SULF1: variants seen among roughly 807,000 people sequenced by gnomAD.
SULF1 encodes the protein sulfatase 1.
SULF1 carries 46 observed loss-of-function variants against 110.5 expected under a neutral mutation model. The ratio of observed to expected loss-of-function variants is 0.42; its 90% CI spans 0.33 to 0.53. The LOEUF (loss-of-function observed/expected upper bound fraction) is 0.53. SULF1 is among the 20% of genes least tolerant of loss of function. The pLI is 0.12. For missense variants in SULF1, 941 were observed against 1,094.2 expected (o/e 0.86, Z 1.98); for synonymous variants, 371 against 387.1 (o/e 0.96, Z 0.49).
At chr8:69,606,166 G>T (rs571376959) in intron 13 of SULF1, among the ~76,000 whole-genome samples, 1 of 152,234 alleles carries the variant, frequency 6.6e-6, no homozygotes, top group Admixed American at 6.5e-5. Context: ...TAAACAACTT[G>T]ATCCTTATAC....
At chr8:69,523,019 A>AATAATGGAAGAC (rs766564758) in intron 3 of SULF1, among the ~76,000 whole-genome samples, 2 of 152,214 alleles carry the variant, frequency 1.3e-5, no homozygotes, top group African/African-American at 2.4e-5. Flanking sequence ...TATGTGTTTA[A>AATAATGGAAGAC]ATAATGGAAG....
chr8:69,632,252 A>G (rs1476729945), intron 19 of SULF1, among the ~76,000 whole-genome samples: 1 of 152,090 alleles, frequency 6.6e-6, no homozygotes, highest in South Asian at 2.1e-4. Flanking sequence ...CTGATACACA[A>G]TGTATTCTTG....
chr8:69,541,129 A>G (rs1356558468), intron 3 of SULF1, among the ~76,000 whole-genome samples: 2 of 152,118 alleles, frequency 1.3e-5, no homozygotes, highest in Non-Finnish European at 2.9e-5. Flanking sequence ...AGGTGGTGGG[A>G]TTTACAGGGA....
At position 69,520,321 on chromosome 8, in the gene SULF1, C is replaced by G. The variant is rs116271729; in HGVS notation, c.-134+18353C>G. 3.1e-3 allele frequency among the ~76,000 whole-genome samples: 472 copies of G among 151,992 alleles called. 1 individual carries two copies. The highest frequency in any genetic ancestry group is 0.011 in the African/African-American group (455 of 41,482). ...GTTTTTTTTTCCAATGAAAAGAAGA[C>G]TTTTTTAGGTTAAGAACTCAGCTGT... On this transcript the variant is annotated intron_variant, in intron 3 of 22. Transcript: ENST00000402687.
chr8:69,523,864 A>G (rs568730517), intron 3 of SULF1, among the ~76,000 whole-genome samples: 1 of 152,064 alleles, frequency 6.6e-6, no homozygotes, highest in Non-Finnish European at 1.5e-5. Context: ...ACCAGTACTC[A>G]TAAGGGCTAG....
chr8:69,614,325 C>T (rs1298400503), intron 13 of SULF1, among the ~76,000 whole-genome samples: 1 of 152,168 alleles, frequency 6.6e-6, no homozygotes, highest in East Asian at 1.9e-4. Context: ...AACACCATTC[C>T]GAGTCCAAGA....
intron 3 of SULF1, among the ~76,000 whole-genome samples, chr8:69,560,833 G>C (rs913137935): frequency 6.6e-6 from 1 of 152,228 alleles, no homozygotes; most frequent in Non-Finnish European, 1.5e-5. Context: ...AGTGTTTCTA[G>C]AGTGGCATGT....
At chr8:69,467,826 C>A (rs1808917346) in intron 1 of SULF1, among the ~76,000 whole-genome samples, 1 of 152,156 alleles carries the variant, frequency 6.6e-6, no homozygotes, top group Non-Finnish European at 1.5e-5. Context: ...ATAAACTAGT[C>A]ATTGGAAATT....
chr8:69,591,505 A>G (rs1346318124), intron 8 of SULF1, among the ~76,000 whole-genome samples: 7 of 151,998 alleles, frequency 4.6e-5, no homozygotes, highest in African/African-American at 1.7e-4. Flanking sequence ...CGGAGCTTGC[A>G]GTGAGCCGAG....
intron 1 of SULF1, among the ~76,000 whole-genome samples, chr8:69,473,591 C>T (rs999112645): frequency 1.3e-5 from 2 of 152,152 alleles, no homozygotes; most frequent in African/African-American, 2.4e-5. Context: ...CAAGCCTAGA[C>T]ATTTTCATAA....
rs1401217285 is a variant in SULF1 at position 69,516,176 on chromosome 8, C to T, written c.-134+14208C>T. On this transcript the variant is annotated intron_variant, in intron 3 of 22. Coordinates refer to ENST00000402687, the MANE Select transcript of SULF1 (RefSeq NM_001128205.2). Reference sequence around the variant, plus strand: ...TCTTTATTAGTTCATTCTCACATTGCTATAAAGAACTACCCGAGACTGAGT... The same window carrying T: ...TCTTTATTAGTTCATTCTCACATTGTTATAAAGAACTACCCGAGACTGAGT... 2.0e-5 allele frequency among the ~76,000 whole-genome samples: 3 copies of T among 152,228 alleles called. No homozygotes were observed. In the East Asian group the frequency reaches 5.8e-4, roughly 29 times the overall value.
At chr8:69,606,238 G>C (rs1808213927) in intron 13 of SULF1, among the ~76,000 whole-genome samples, 1 of 152,258 alleles carries the variant, frequency 6.6e-6, no homozygotes, top group East Asian at 1.9e-4. Context: ...GGATAGGGAG[G>C]GAGAGCTGTT....
intron 22 of SULF1, among the ~76,000 whole-genome samples, chr8:69,655,102 C>A (rs1812620172): frequency 6.6e-6 from 1 of 152,182 alleles, no homozygotes; most frequent in Non-Finnish European, 1.5e-5. Context: ...GTGTCTATTT[C>A]TGTTAAGACC....
At chr8:69,594,690 A>G (rs1165041715) in intron 8 of SULF1, among the ~76,000 whole-genome samples, 1 of 152,072 alleles carries the variant, frequency 6.6e-6, no homozygotes, top group African/African-American at 2.4e-5. Flanking sequence ...GCTTTTGAAG[A>G]TAAGAAAAGT....
At chr8:69,631,345 CTGCCAGACCTCCTCTG>C in intron 19 of SULF1, among the ~76,000 whole-genome samples, 1 of 152,086 alleles carries the variant, frequency 6.6e-6, no homozygotes, top group East Asian at 1.9e-4. Context: ...ACCTCGGCCA[CTGCCAGACCTCCTCTG>C]TGGCCTCCCA....
intron 19 of SULF1, among the ~76,000 whole-genome samples, chr8:69,633,709 G>A (rs1586600778): frequency 6.6e-6 from 1 of 152,052 alleles, no homozygotes; most frequent in East Asian, 1.9e-4. Flanking sequence ...TGCATTTGCA[G>A]AACGTGCAGT....
intron 22 of SULF1, among the ~76,000 whole-genome samples, chr8:69,653,215 G>A (rs1409992255): frequency 6.6e-6 from 1 of 151,950 alleles, no homozygotes; most frequent in Admixed American, 6.6e-5. Flanking sequence ...GATTACAGGC[G>A]TGTGCCACCA....
chr8:69,656,880 T>C (rs1489441918), intron 22 of SULF1, among the ~76,000 whole-genome samples: 1 of 152,210 alleles, frequency 6.6e-6, no homozygotes, highest in Non-Finnish European at 1.5e-5. Flanking sequence ...TGGTTCTAAA[T>C]CTTTGAGGAA....
In SULF1 at chr8:69,492,905, A is replaced by C. The variant is rs571375867; in HGVS notation, c.-611A>C. 36 of 152,798 alleles carry C rather than the reference A, an allele frequency of 2.4e-4. No individual in the cohort carries two copies. The highest frequency in any genetic ancestry group is 7.9e-4 in the African/African-American group (33 of 41,594). The allele number at this position is 152,798 out of a possible 1,614,324, so 9.5% of individuals were successfully genotyped here. A position where few individuals can be genotyped will look rare whatever the true frequency, so the allele number is the denominator to read the frequency against. ...TCGGGCCGGGGCGGCTTGATCGGCA[A>C]CTAGGAAACCCCAGGCGCAGAGGCC... On this transcript the variant is annotated 5_prime_UTR_variant, in exon 1 of 23. Transcript: ENST00000402687.
Sources: allele counts gnomAD v4.1 joint callset (sites outside exome capture counted in the v4.1 genomes callset), GRCh38; gene constraint gnomAD v4.1.1; transcripts MANE v1.5; gene names NCBI Gene and HGNC (gene_info 2026-07-23, HGNC 2026-07-21).